Variants in PTPRN2 observed in about 807,000 individuals in gnomAD.
The protein encoded by PTPRN2 is receptor-type tyrosine-protein phosphatase N2.
In PTPRN2, 74 loss-of-function variants were observed where a neutral mutation model predicts 118.8. The ratio of observed to expected loss-of-function variants is 0.62; its 90% CI spans 0.52 to 0.76. The LOEUF is 0.76. Among genes scored for constraint, PTPRN2 ranks in the 30% least tolerant of loss-of-function variants. The pLI is 0.00. For synonymous variants in PTPRN2, 641 were observed against 608.0 expected, an observed-to-expected ratio of 1.05 and a Z score of -0.80; for missense variants, 1,481 against 1,394.4, an observed-to-expected ratio of 1.06 and a Z score of -0.99.
chr7:158,561,211 A>G (rs995009871), intron 1 of PTPRN2, among the ~76,000 whole-genome samples: 1 of 152,234 alleles, frequency 6.6e-6, no homozygotes, highest in South Asian at 2.1e-4. Flanking sequence ...AGAATTTCCA[A>G]TGATTCTAGA....
At chr7:158,539,962 G>T in intron 1 of PTPRN2, 1 of 242,410 alleles carries the variant, frequency 4.1e-6, no homozygotes, top group Non-Finnish European at 8.2e-6. Flanking sequence ...ACGGTGCACT[G>T]TGAACCTGGA....
chr7:158,267,673 C>T (rs1797975106), intron 3 of PTPRN2, among the ~76,000 whole-genome samples: 1 of 152,216 alleles, frequency 6.6e-6, no homozygotes, highest in Admixed American at 6.5e-5. Context: ...GCCTAAGCTT[C>T]TGCAGGCCTT....
chr7:158,155,543 A>ATCG, intron 6 of PTPRN2, among the ~76,000 whole-genome samples: 1 of 135,474 alleles, frequency 7.4e-6, no homozygotes, highest in Middle Eastern at 3.4e-3. Flanking sequence ...CACTATCATC[A>ATCG]CCATCAACAC....
intron 17 of PTPRN2, among the ~76,000 whole-genome samples, chr7:157,580,830 CAGCACCTGCACACCCG>C (rs1800331203): frequency 2.2e-5 from 2 of 90,632 alleles, no homozygotes; most frequent in Non-Finnish European, 4.7e-5. Flanking sequence ...CTGCACACCC[CAGCACCTGCACACCCG>C]AGCCCCTGCA....
Position 158,003,886 on chromosome 7 carries a change from G to A in PTPRN2, c.1723+77412C>T, listed in dbSNP as rs7791234. Among the ~76,000 whole-genome samples, 2,096 of 152,218 alleles carry A rather than the reference G, an allele frequency of 0.014. 41 individuals are homozygous for A. Among genetic ancestry groups the A allele is most frequent in the African/African-American group, 0.048 (1,987 of 41,516 alleles). ...ATCTATTAATTTCATCACTGTTGCC[G>A]ACTTAATCAGCAAACTTCATTTACA... On this transcript the variant is annotated intron_variant, in intron 11 of 22. Coordinates refer to ENST00000389418, the MANE Select transcript of PTPRN2 (RefSeq NM_002847.5). This position sits in a 1 kb window ranked among gnomAD's most constrained non-coding sequence, Gnocchi z 5.0.
At chr7:157,770,604 G>A (rs929834609) in intron 12 of PTPRN2, among the ~76,000 whole-genome samples, 2 of 152,276 alleles carry the variant, frequency 1.3e-5, no homozygotes, top group East Asian at 3.9e-4. Context: ...AAAAATTAGC[G>A]CTATAGGGGA....
At chr7:157,545,398 C>T (rs1395947410) in intron 22 of PTPRN2, among the ~76,000 whole-genome samples, 1 of 138,628 alleles carries the variant, frequency 7.2e-6, no homozygotes, top group African/African-American at 2.7e-5. Flanking sequence ...GTGTGCACTG[C>T]GTGAGTGGGT....
At chr7:158,094,977 GTT>G (rs1203650438) in intron 10 of PTPRN2, among the ~76,000 whole-genome samples, 1 of 152,166 alleles carries the variant, frequency 6.6e-6, no homozygotes, top group Admixed American at 6.5e-5. Context: ...AACAACTCCA[GTT>G]TGCAATCCCA....
chr7:157,572,273 T>A (rs1235806215), intron 19 of PTPRN2, among the ~76,000 whole-genome samples: 2 of 152,176 alleles, frequency 1.3e-5, no homozygotes, highest in African/African-American at 4.8e-5. Flanking sequence ...TATTTCTGAA[T>A]AAGTAAAATT....
chr7:157,623,834 G>A (rs563907670), intron 14 of PTPRN2, among the ~76,000 whole-genome samples: 25 of 152,250 alleles, frequency 1.6e-4, no homozygotes, highest in African/African-American at 3.6e-4. Flanking sequence ...TGTTTGTCCC[G>A]TTCTGCTCAT....
chr7:157,841,608 G>A (rs962257968), intron 12 of PTPRN2, among the ~76,000 whole-genome samples: 36 of 152,312 alleles, frequency 2.4e-4, no homozygotes, highest in East Asian at 3.9e-4. Flanking sequence ...GTGCCTGCCT[G>A]GAAGGGCCCC....
chr7:157,767,652 C>T (rs1286539794), intron 12 of PTPRN2, among the ~76,000 whole-genome samples: 4 of 152,344 alleles, frequency 2.6e-5, no homozygotes, highest in South Asian at 4.1e-4. Flanking sequence ...TCCGTGGTCA[C>T]AGGCGAACAC....
chr7:158,544,836 C>T lies in PTPRN2; in HGVS notation c.112+42722G>A, dbSNP rs754933704. On this transcript the variant is annotated intron_variant, in intron 1 of 22. Coordinates refer to ENST00000389418, the MANE Select transcript of PTPRN2 (RefSeq NM_002847.5). The surrounding 1 kb of genome is among the most constrained non-coding windows in gnomAD (Gnocchi z 4.2). ...CACCTGTTGTCCTGGGGTTCAAAGCCGCTGCCACCTTCTTCCCTTGCAGTT... is the reference window on the plus strand; with the variant it reads ...CACCTGTTGTCCTGGGGTTCAAAGCTGCTGCCACCTTCTTCCCTTGCAGTT... Among the ~76,000 whole-genome samples the T allele has an allele frequency of 4.6e-5, 7 of 152,172 alleles. No individual in the cohort carries two copies. Among genetic ancestry groups the T allele is most frequent in the Admixed American group, 1.3e-4 (2 of 15,284 alleles).
rs933844961 is a variant in PTPRN2 at position 158,565,331 on chromosome 7, G to A, written c.112+22227C>T. On this transcript the variant is annotated intron_variant, in intron 1 of 22. Transcript: ENST00000389418. This position sits in a 1 kb window ranked among gnomAD's most constrained non-coding sequence, Gnocchi z 4.6. ...ACCAAAGGGAACTTTGCAAATTACCGGGAACTTTGCAAATTCCCAGGAACT... is the reference window on the plus strand; with the variant it reads ...ACCAAAGGGAACTTTGCAAATTACCAGGAACTTTGCAAATTCCCAGGAACT... Among the ~76,000 whole-genome samples, 10 of 151,992 alleles carry A rather than the reference G, an allele frequency of 6.6e-5. No homozygotes were observed. The highest frequency in any genetic ancestry group is 1.4e-4 in the African/African-American group (6 of 41,386).
At chr7:158,053,739 A>G in intron 11 of PTPRN2, among the ~76,000 whole-genome samples, 1 of 150,986 alleles carries the variant, frequency 6.6e-6, no homozygotes, top group Non-Finnish European at 1.5e-5. Flanking sequence ...CAGAGACCCT[A>G]GAGATGCAGA....
At chr7:158,515,152 C>T (rs988285909) in intron 1 of PTPRN2, among the ~76,000 whole-genome samples, 3 of 150,536 alleles carry the variant, frequency 2.0e-5, no homozygotes, top group Non-Finnish European at 4.4e-5. Context: ...AAAGCGGCCG[C>T]GTGCACCAGC....
Position 157,585,643 on chromosome 7 carries a change from C to T in PTPRN2, c.2497-7503G>A, listed in dbSNP as rs534716917. On this transcript the variant is annotated intron_variant, in intron 17 of 22. Coordinates refer to ENST00000389418, the MANE Select transcript of PTPRN2 (RefSeq NM_002847.5). The surrounding 1 kb of genome is among the most constrained non-coding windows in gnomAD (Gnocchi z 5.2). The stretch of plus-strand genomic sequence containing the variant: ...CCCGGTTAAATATGCGCCTGGTCTC[C>T]TTGCGGGGAGCTGCTGCACTGGGCG... Among the ~76,000 whole-genome samples, 3 of 152,342 alleles carry T rather than the reference C, an allele frequency of 2.0e-5. No homozygotes were observed. The East Asian group carries it at 5.8e-4, about 29-fold the overall frequency.
Position 157,789,300 on chromosome 7 carries a change from G to C in PTPRN2, c.1789-106363C>G, listed in dbSNP as rs573657006. 1.2e-4 allele frequency among the ~76,000 whole-genome samples: 18 copies of C among 152,306 alleles called. No individual in the cohort carries two copies. In the East Asian group the frequency reaches 3.5e-3, roughly 29 times the overall value. On this transcript the variant is annotated intron_variant, in intron 12 of 22. Transcript: ENST00000389418. ...AGAAGCTCCCCGCCCGGTGCCGCTG[G>C]CTTCTACTGTTTCTAAGCTGCCTGT...
chr7:158,507,959 C>G (rs1453471622), intron 1 of PTPRN2, among the ~76,000 whole-genome samples: 1 of 142,194 alleles, frequency 7.0e-6, no homozygotes, highest in Non-Finnish European at 1.5e-5. Context: ...ACATGGAGGT[C>G]AGTGAGGACC....
Sources: allele counts gnomAD v4.1 joint callset (sites outside exome capture counted in the v4.1 genomes callset), GRCh38; gene constraint gnomAD v4.1.1; non-coding constraint Gnocchi (gnomAD v3.1); transcripts MANE v1.5; gene names NCBI Gene and HGNC (gene_info 2026-07-23, HGNC 2026-07-21).